RYR3: variants seen among roughly 807,000 people sequenced by gnomAD.
The protein encoded by RYR3 is brain ryanodine receptor-calcium release channel.
In RYR3, 207 loss-of-function variants were observed where a neutral mutation model predicts 584.3. The observed-to-expected ratio is 0.35, with a 90% CI of 0.32 to 0.40. The LOEUF is 0.40. RYR3 is among the 10% of genes least tolerant of loss of function. The pLI, the probability that RYR3 is intolerant of heterozygous loss-of-function variation, is 1.00. For missense variants in RYR3, 5,616 were observed against 6,089.2 expected (o/e 0.92, Z 2.59); for synonymous variants, 2,416 against 2,248.5 (o/e 1.07, Z -2.11).
At chr15:33,548,551 G>A (rs545321665) in intron 9 of RYR3, among the ~76,000 whole-genome samples, 1 of 152,342 alleles carries the variant, frequency 6.6e-6, no homozygotes, top group African/African-American at 2.4e-5. Context: ...CCTCTCAGTA[G>A]CTTTGTTGGC....
chr15:33,499,225 A>C (rs1317341681), intron 2 of RYR3, among the ~76,000 whole-genome samples: 19 of 107,700 alleles, frequency 1.8e-4, no homozygotes, highest in Admixed American at 3.4e-4. Flanking sequence ...CCTCTCTCCC[A>C]TTTTCTACCC....
At position 33,830,561 on chromosome 15, in the gene RYR3, C is replaced by T. The variant is rs148210818; in HGVS notation, c.11335-402C>T. 4.0e-3 allele frequency among the ~76,000 whole-genome samples: 608 copies of T among 152,256 alleles called. 5 individuals are homozygous for T. The highest frequency in any genetic ancestry group is 0.014 in the African/African-American group (581 of 41,520). The stretch of plus-strand genomic sequence containing the variant: ...ACTGTAGTTTATCTGTAATCAAACT[C>T]GGATTATCTCTGAATCTCTACATGC... On this transcript the variant is annotated intron_variant, in intron 85 of 103. Transcript: ENST00000634891.
chr15:33,722,695 A>G lies in RYR3; in HGVS notation c.6620-20A>G, dbSNP rs1318870584. ...GGTTGTCCTTTTCATTGAGAAGGAAACAGTGCCTGTCTTCCTCAGGTGAGA... is the reference window on the plus strand; with the variant it reads ...GGTTGTCCTTTTCATTGAGAAGGAAGCAGTGCCTGTCTTCCTCAGGTGAGA... On this transcript the variant is annotated intron_variant, in intron 43 of 103. Transcript: ENST00000634891. 2.5e-6 allele frequency: 4 copies of G among 1,605,032 alleles called. No homozygotes were observed. Among genetic ancestry groups the G allele is most frequent in the Admixed American group, 1.7e-5 (1 of 59,358 alleles).
intron 1 of RYR3, among the ~76,000 whole-genome samples, chr15:33,384,332 C>T (rs1049726910): frequency 2.6e-5 from 4 of 151,766 alleles, no homozygotes; most frequent in East Asian, 1.9e-4. Flanking sequence ...CAGAGGCATC[C>T]GGGTTTTGCC....
intron 36 of RYR3, among the ~76,000 whole-genome samples, chr15:33,667,865 C>T (rs2063571826): frequency 6.6e-6 from 1 of 151,984 alleles, no homozygotes; most frequent in African/African-American, 2.4e-5. Flanking sequence ...AGTTCTAGAT[C>T]AGCCTGGCCA....
At position 33,697,622 on chromosome 15, in the gene RYR3, G is replaced by A. The variant is rs556028241; in HGVS notation, c.6135-260G>A. 2.6e-5 allele frequency among the ~76,000 whole-genome samples: 4 copies of A among 152,216 alleles called. No individual in the cohort carries two copies. In the East Asian group the frequency reaches 7.7e-4, roughly 29 times the overall value. ...ATTATTACAAGAAAAAATAAAACAA[G>A]GGATGTTTAATAGGTCATCAGAAAG... On this transcript the variant is annotated intron_variant, in intron 39 of 103. Transcript: ENST00000634891.
At chr15:33,362,214 C>T (rs1447107253) in intron 1 of RYR3, among the ~76,000 whole-genome samples, 4 of 152,094 alleles carry the variant, frequency 2.6e-5, no homozygotes, top group African/African-American at 4.8e-5. Context: ...TGTGTTATTG[C>T]GTTATTTGCT....
chr15:33,736,271 A>T lies in RYR3; in HGVS notation c.7461A>T (p.Arg2487=). ...CTTCCATGTTACAGCAACTCCTGCG[A>T]CGCCTCGTTTTTGATGTGCCGCAAC... is the stretch of plus-strand genomic sequence containing the variant. ...LRPSMLQQLL[R]RLVFDVPQLN... is the part of the protein sequence containing the mutation. Residue 2487 remains arginine, a synonymous_variant, in exon 49 of 104, where the codon CGA becomes CGT. Coordinates refer to ENST00000634891, the MANE Select transcript of RYR3 (RefSeq NM_001036.6). 1.9e-6 allele frequency: 3 copies of T among 1,613,442 alleles called. No homozygotes were observed. Among genetic ancestry groups the T allele is most frequent in the Non-Finnish European group, 2.5e-6 (3 of 1,179,728 alleles).
chr15:33,763,756 G>A (rs2072721975), intron 60 of RYR3, among the ~76,000 whole-genome samples: 1 of 152,010 alleles, frequency 6.6e-6, no homozygotes, highest in African/African-American at 2.4e-5. Flanking sequence ...AGCCAGGCAT[G>A]GTGGCACACG....
intron 1 of RYR3, among the ~76,000 whole-genome samples, chr15:33,436,821 C>T (rs2045769196): frequency 6.6e-6 from 1 of 152,092 alleles, no homozygotes; most frequent in African/African-American, 2.4e-5. Context: ...TATTGTTAAT[C>T]TTAGTGCAAT....
intron 79 of RYR3, 23 bp downstream of exon 79, chr15:33,821,392 G>A (rs934965802): frequency 1.3e-6 from 2 of 1,589,392 alleles, no homozygotes; most frequent in African/African-American, 2.7e-5. Context: ...GTTTCTGGAT[G>A]GGCTTATGTA....
chr15:33,582,531 A>T (rs1939155439), intron 14 of RYR3, among the ~76,000 whole-genome samples: 1 of 152,182 alleles, frequency 6.6e-6, no homozygotes, highest in Non-Finnish European at 1.5e-5. Flanking sequence ...TAACAATAAT[A>T]CCTAACAATT....
chr15:33,349,629 A>G (rs1354224989), intron 1 of RYR3, among the ~76,000 whole-genome samples: 2 of 145,078 alleles, frequency 1.4e-5, no homozygotes, highest in Non-Finnish European at 3.0e-5. Context: ...GTTTTAGGGT[A>G]CATGTGCACA....
At chr15:33,771,264 G>A (rs908491443) in intron 62 of RYR3, among the ~76,000 whole-genome samples, 6 of 152,122 alleles carry the variant, frequency 3.9e-5, no homozygotes, top group Middle Eastern at 3.2e-3. Context: ...GGCTGAGCAC[G>A]GTGGCTCACG....
At position 33,311,797 on chromosome 15, in the gene RYR3, T is replaced by A. The variant is rs1013516693; in HGVS notation, c.51+701T>A. ...GGACAGGGAAACCCCAGTCAGTGGC[T>A]CCGCGTCACTCAGGTCCCCTCCTTG... On this transcript the variant is annotated intron_variant, in intron 1 of 103. Transcript: ENST00000634891. The surrounding 1 kb of genome is among the most constrained non-coding windows in gnomAD (Gnocchi z 4.4). 3.4e-4 allele frequency among the ~76,000 whole-genome samples: 52 copies of A among 152,338 alleles called. No individual in the cohort carries two copies. The highest frequency in any genetic ancestry group is 4.9e-4 in the Non-Finnish European group (33 of 68,026).
chr15:33,767,775 T>C (rs1398444778), intron 60 of RYR3, among the ~76,000 whole-genome samples: 3 of 152,220 alleles, frequency 2.0e-5, no homozygotes, highest in African/African-American at 7.2e-5. Context: ...AGTTCTTGTC[T>C]AGCCATGCCA....
intron 1 of RYR3, among the ~76,000 whole-genome samples, chr15:33,372,521 C>T (rs941316363): frequency 6.6e-6 from 1 of 152,002 alleles, no homozygotes; most frequent in African/African-American, 2.4e-5. Flanking sequence ...CCCGCCACCA[C>T]GCCCAGCTAA....
chr15:33,848,183 A>C (rs541063943), intron 93 of RYR3, 108 bp from the exon 94 acceptor site: 223 of 1,374,002 alleles, frequency 1.6e-4, no homozygotes, highest in Non-Finnish European at 2.0e-4. Context: ...TTCCACTATA[A>C]GGAGATTGCT....
chr15:33,316,448 C>T (rs985369842), intron 1 of RYR3, among the ~76,000 whole-genome samples: 1 of 152,078 alleles, frequency 6.6e-6, no homozygotes, highest in African/African-American at 2.4e-5. Context: ...GTTAATTTCC[C>T]ACAAGTTCAT....
Sources: gnomAD v4.1 joint callset for allele counts (sites outside exome capture counted in the v4.1 genomes callset) on GRCh38, gnomAD v4.1.1 for gene constraint, Gnocchi (gnomAD v3.1) non-coding constraint, MANE v1.5 for transcripts, NCBI Gene and HGNC (gene_info 2026-07-23, HGNC 2026-07-21) for gene names.